The following ACSM3 variants were observed in gnomAD, a reference collection of about 807,000 sequenced individuals.
The protein encoded by ACSM3 is acyl-coenzyme A synthetase ACSM3, mitochondrial.
In ACSM3, 61 loss-of-function variants were observed where a neutral mutation model predicts 74.1. The ratio of observed to expected loss-of-function variants is 0.82; its 90% CI spans 0.67 to 1.02. The LOEUF is 1.02. ACSM3 is among the 50% of genes least tolerant of loss of function. The pLI is 0.00. For missense variants in ACSM3, 660 were observed against 697.0 expected, an observed-to-expected ratio of 0.95 and a Z score of 0.60; for synonymous variants, 213 against 241.5, an observed-to-expected ratio of 0.88 and a Z score of 1.09.
chr16:20,685,310 G>T, intron 1 of ACSM3: 1 of 1,614,150 alleles, frequency 6.2e-7, no homozygotes, highest in Admixed American at 1.7e-5. Flanking sequence ...GCTACACGGC[G>T]GGTTAGGTCT....
chr16:20,682,514 G>A (rs1229798497), intron 1 of ACSM3: 2 of 1,489,608 alleles, frequency 1.3e-6, no homozygotes, highest in Admixed American at 3.4e-5. Flanking sequence ...CACAACCATG[G>A]GCTTTAGACT....
intron 1 of ACSM3, chr16:20,680,774 A>G (rs1596942289): frequency 6.6e-6 from 1 of 152,218 alleles, no homozygotes; most frequent in East Asian, 1.9e-4. Context: ...ACCCTAAGCC[A>G]CACTTGGCAT....
chr16:20,682,468 G>C, intron 1 of ACSM3: 1 of 1,611,278 alleles, frequency 6.2e-7, no homozygotes, highest in Non-Finnish European at 8.5e-7. Context: ...TGATCCCTGG[G>C]GATGAGAAAG....
intron 1 of ACSM3, chr16:20,682,416 G>C (rs200443428): frequency 5.6e-6 from 9 of 1,613,960 alleles, no homozygotes; most frequent in Non-Finnish European, 7.6e-6. Context: ...AGTCGATAGA[G>C]AATGTCTTTG....
At chr16:20,784,458 G>C (rs1448012432) in intron 7 of ACSM3, 1 of 152,566 alleles carries the variant, frequency 6.6e-6, no homozygotes, top group Non-Finnish European at 1.5e-5. Context: ...CCCACCATCA[G>C]TTTTACCAAA....
chr16:20,710,146 A>C (rs908197540), intron 1 of ACSM3, among the ~76,000 whole-genome samples: 1 of 152,176 alleles, frequency 6.6e-6, no homozygotes, highest in African/African-American at 2.4e-5. Context: ...AGTGTTTAGG[A>C]TGAGATAAAC....
At chr16:20,778,029 T>G (rs904613517) in intron 4 of ACSM3, among the ~76,000 whole-genome samples, 2 of 152,088 alleles carry the variant, frequency 1.3e-5, no homozygotes, top group Admixed American at 6.6e-5. Flanking sequence ...TCCCTAGGAG[T>G]CAAGACCTTT....
At chr16:20,676,382 T>G (rs1455897036) in intron 1 of ACSM3, among the ~76,000 whole-genome samples, 1 of 152,196 alleles carries the variant, frequency 6.6e-6, no homozygotes, top group Non-Finnish European at 1.5e-5. Context: ...AGGGTGCAGA[T>G]AAAAGCACCA....
intron 1 of ACSM3, chr16:20,742,030 T>C: frequency 7.0e-7 from 1 of 1,436,130 alleles, no homozygotes; most frequent in Non-Finnish European, 9.2e-7. Flanking sequence ...CCTCAAGCCC[T>C]TGAAGCTGGC....
intron 1 of ACSM3, chr16:20,734,508 A>G (rs576057958): frequency 6.6e-6 from 1 of 152,374 alleles, no homozygotes; most frequent in South Asian, 2.1e-4. Flanking sequence ...TAGGAGGATA[A>G]AAATACATTC....
chr16:20,710,637 G>A (rs992766671), intron 1 of ACSM3, among the ~76,000 whole-genome samples: 10 of 152,028 alleles, frequency 6.6e-5, no homozygotes, highest in Non-Finnish European at 1.3e-4. Context: ...GAGCCAACAT[G>A]CCCAGCCGAT....
intron 1 of ACSM3, among the ~76,000 whole-genome samples, chr16:20,715,886 G>T (rs1011347185): frequency 6.6e-6 from 1 of 152,182 alleles, no homozygotes; most frequent in Non-Finnish European, 1.5e-5. Context: ...AGCAGGGGCA[G>T]CTGGTTTCTG....
upstream of ACSM3, among the ~76,000 whole-genome samples, chr16:20,759,396 A>G (rs371157684): frequency 6.6e-6 from 1 of 152,052 alleles, no homozygotes; most frequent in Non-Finnish European, 1.5e-5. Context: ...CGTCTCTACT[A>G]AAAATACAAA....
intron 1 of ACSM3, among the ~76,000 whole-genome samples, chr16:20,677,552 C>T (rs78831289): frequency 1.3e-5 from 2 of 152,186 alleles, no homozygotes; most frequent in Admixed American, 6.5e-5. Context: ...CCCTTCATTG[C>T]TGTGTAAATG....
intron 1 of ACSM3, chr16:20,736,902 G>A (rs1287196707): frequency 6.2e-7 from 1 of 1,614,032 alleles, no homozygotes; most frequent in Non-Finnish European, 8.5e-7. Context: ...ATTTTCATTT[G>A]ACTTGGATCC....
At chr16:20,789,744 G>C (rs1159139401) in intron 9 of ACSM3, among the ~76,000 whole-genome samples, 2 of 140,024 alleles carry the variant, frequency 1.4e-5, no homozygotes, top group African/African-American at 2.7e-5. Context: ...GAGTGATCTC[G>C]GCTCACTGCA....
chr16:20,787,865 C>T (rs1358904850), intron 9 of ACSM3, among the ~76,000 whole-genome samples: 1 of 152,152 alleles, frequency 6.6e-6, no homozygotes, highest in African/African-American at 2.4e-5. Context: ...TGGGACTTAT[C>T]TGGTTTTAGC....
intron 1 of ACSM3, among the ~76,000 whole-genome samples, chr16:20,677,506 C>T (rs2020360624): frequency 6.6e-6 from 1 of 152,210 alleles, no homozygotes; most frequent in Admixed American, 6.5e-5. Flanking sequence ...CTAAACCCGG[C>T]TACCTTGCTC....
chr16:20,774,908 C>A (rs2080237177), intron 2 of ACSM3, among the ~76,000 whole-genome samples: 1 of 152,180 alleles, frequency 6.6e-6, no homozygotes, highest in African/African-American at 2.4e-5. Flanking sequence ...AATGCAGGCA[C>A]AAAGCGGCTC....
Sources: gnomAD v4.1 joint callset for allele counts (sites outside exome capture counted in the v4.1 genomes callset) on GRCh38, gnomAD v4.1.1 for gene constraint, MANE v1.5 for transcripts, NCBI Gene and HGNC (gene_info 2026-07-23, HGNC 2026-07-21) for gene names.